SETD6: variants seen among roughly 807,000 people sequenced by gnomAD.
SETD6 encodes the protein SET domain containing 6, protein lysine methyltransferase.
A neutral mutation model predicts 52.7 loss-of-function variants in SETD6; 67 were observed. That is an observed-to-expected ratio of 1.27 (90% CI 1.04 to 1.56). The LOEUF (loss-of-function observed/expected upper bound fraction) is 1.56. Among genes scored for constraint, SETD6 ranks in the 40% most tolerant of loss-of-function variants. SETD6 has a pLI of 0.00. For synonymous variants in SETD6, 307 were observed against 250.2 expected (o/e 1.23, Z -2.14); for missense variants, 712 against 607.5 (o/e 1.17, Z -1.81).
At position 58,517,634 on chromosome 16, in the gene SETD6, C is replaced by T. The variant is rs954847482; in HGVS notation, c.793-417C>T. ...GAATTACAGGCTCCTGCCACCATGCCCGGCTAATTTTTGTATTTTTTAGTA... is the reference window on the plus strand; with the variant it reads ...GAATTACAGGCTCCTGCCACCATGCTCGGCTAATTTTTGTATTTTTTAGTA... On this transcript the variant is annotated intron_variant, in intron 5 of 7. Coordinates refer to ENST00000219315, the MANE Select transcript of SETD6 (RefSeq NM_001160305.4). The T allele has an allele frequency of 4.2e-5, 9 of 214,470 alleles. No homozygotes were observed. In the Admixed American group the frequency reaches 4.7e-4, roughly 11 times the overall value. The allele number at this position is 214,470 out of a possible 1,614,324, so 13.3% of individuals were successfully genotyped here. A position where few individuals can be genotyped will look rare whatever the true frequency, so the allele number is the denominator to read the frequency against.
chr16:58,516,537 A>C lies in SETD6; in HGVS notation c.536A>C (p.Lys179Thr). The C allele has an allele frequency of 6.2e-7, 1 of 1,614,112 alleles. No homozygotes were observed. Among genetic ancestry groups the C allele is most frequent in the Non-Finnish European group, 8.5e-7 (1 of 1,180,016 alleles). ...ACAGGCGTACCTGAGGCCGTGGAGA[A>C]GGATTTGGCCAACATCCGCAGCGAG... ...QGTGVPEAVE[K>T]DLANIRSEYQ... The change falls in exon 4 of 8, where the codon AAG (lysine) becomes ACG (threonine). Residue 179 changes from lysine (K) to threonine (T), a missense_variant. Physicochemically the swap from Lys to Thr is moderately conservative, Grantham distance 78 (BLOSUM62 -1). Coordinates refer to ENST00000219315, the MANE Select transcript of SETD6 (RefSeq NM_001160305.4).
rs1197281311 is a variant in SETD6 at position 58,522,501 on chromosome 16, T to C, written c.*3472T>C. ...CAAAGGAATACCATATTTAGCACCA[T>C]AGGTGACTAATTAGGCAAATGAGCA... is the stretch of plus-strand genomic sequence containing the variant. On this transcript the variant is annotated 3_prime_UTR_variant, in exon 8 of 8. Coordinates refer to ENST00000219315, the MANE Select transcript of SETD6 (RefSeq NM_001160305.4). Among the ~76,000 whole-genome samples the C allele has an allele frequency of 2.4e-5, 2 of 82,544 alleles. No homozygotes were observed. The highest frequency in any genetic ancestry group is 4.2e-5 in the Non-Finnish European group (2 of 47,480). 54.2% of individuals were successfully genotyped at this position (82,544 alleles called of 152,430 possible). A position where few individuals can be genotyped will look rare whatever the true frequency, so the allele number is the denominator to read the frequency against.
rs996449391 is a variant in SETD6 at position 58,519,663 on chromosome 16, T to A, written c.*634T>A. On this transcript the variant is annotated 3_prime_UTR_variant, in exon 8 of 8. Coordinates refer to ENST00000219315, the MANE Select transcript of SETD6 (RefSeq NM_001160305.4). ...ATTTTCTTTAAAAAAAAAAAAAAAA[T>A]ACCTGGGGGAAAAGGATATTAAAAC... is the stretch of plus-strand genomic sequence containing the variant. The A allele has an allele frequency of 1.4e-5, 2 of 146,282 alleles. No homozygotes were observed. The highest frequency in any genetic ancestry group is 3.0e-5 in the Non-Finnish European group (2 of 66,036). The allele number at this position is 146,282 out of a possible 1,614,324, so 9.1% of individuals were successfully genotyped here. A position where few individuals can be genotyped will look rare whatever the true frequency, so the allele number is the denominator to read the frequency against.
chr16:58,518,262 C>T, intron 6 of SETD6, 31 bp downstream of exon 6: 3 of 1,613,262 alleles, frequency 1.9e-6, no homozygotes, highest in Non-Finnish European at 2.5e-6. Context: ...ATATTTGACA[C>T]TGATGGTGTG....
At position 58,522,508 on chromosome 16, in the gene SETD6, CTAAT is replaced by C. The variant is rs748694057; in HGVS notation, c.*3482_*3485del. Among the ~76,000 whole-genome samples, 1 of 151,572 alleles carries C rather than the reference CTAAT, an allele frequency of 6.6e-6. No homozygotes were observed. Among genetic ancestry groups the C allele is most frequent in the African/African-American group, 2.4e-5 (1 of 41,230 alleles). ...ATACCATATTTAGCACCATAGGTGA[CTAAT>C]TAGGCAAATGAGCAAGTTTTAAGAG... On this transcript the variant is annotated 3_prime_UTR_variant, in exon 8 of 8. Transcript: ENST00000219315.
chr16:58,518,266 T>C (rs1445603100), intron 6 of SETD6, 35 bp downstream of exon 6: 4 of 1,612,922 alleles, frequency 2.5e-6, no homozygotes, highest in Non-Finnish European at 3.4e-6. Flanking sequence ...TTGACACTGA[T>C]GGTGTGTCTA....
At chr16:58,516,962 C>T (rs773581375) in intron 5 of SETD6, 34 bp downstream of exon 5, 1 of 1,614,052 alleles carries the variant, frequency 6.2e-7, no homozygotes, top group South Asian at 1.1e-5. Context: ...ACTGATTGAG[C>T]ATGATTCAAG....
rs368881599 is a variant in SETD6 at position 58,518,942 on chromosome 16, G to A, written c.1335G>A (p.Ala445=). The change falls in exon 8 of 8, where the codon GCG becomes GCA. Residue 445 remains alanine, a synonymous_variant. Transcript: ENST00000219315. ...TACTCAGTAATAAGGAAGTCTATGC[G>A]AAACTCAGCTGGAGGGAACAGCAAG... ...QGLLSNKEVY[A]KLSWREQQAL... The A allele has an allele frequency of 3.0e-5, 48 of 1,614,046 alleles. No individual in the cohort carries two copies. The highest frequency in any genetic ancestry group is 5.5e-5 in the South Asian group (5 of 91,090).
chr16:58,518,550 G>T lies in SETD6; in HGVS notation c.1116+7G>T. 1 of 1,596,400 alleles carries T rather than the reference G, an allele frequency of 6.3e-7. No individual in the cohort carries two copies. Among genetic ancestry groups the T allele is most frequent in the South Asian group, 1.2e-5 (1 of 86,768 alleles). ...GCTGACCACCACACTAAAGGTAAACGGCTGAAAATGGCCATTTAATGCTGA... is the reference window on the plus strand; with the variant it reads ...GCTGACCACCACACTAAAGGTAAACTGCTGAAAATGGCCATTTAATGCTGA... On this transcript the variant is annotated splice_region_variant and intron_variant, in intron 7 of 7. Coordinates refer to ENST00000219315, the MANE Select transcript of SETD6 (RefSeq NM_001160305.4).
At position 58,518,708 on chromosome 16, in the gene SETD6, CTG is replaced by C; in HGVS notation, c.1117-13_1117-12del. On this transcript the variant is annotated splice_polypyrimidine_tract_variant and intron_variant, in intron 7 of 7. Transcript: ENST00000219315. ...AAGCAGTACATCTAATTAAAGAGCTCTGTGGTTGCTTCTAGGTACTGTGCATG... is the reference window on the plus strand; with the variant it reads ...AAGCAGTACATCTAATTAAAGAGCTCTGGTTGCTTCTAGGTACTGTGCATG... 1 of 1,609,506 alleles carries C rather than the reference CTG, an allele frequency of 6.2e-7. No homozygotes were observed. The highest frequency in any genetic ancestry group is 8.5e-7 in the Non-Finnish European group (1 of 1,178,264).
Position 58,520,105 on chromosome 16 carries a change from T to C in SETD6, c.*1076T>C, listed in dbSNP as rs1299818868. The C allele has an allele frequency of 2.0e-5, 3 of 152,252 alleles. No individual in the cohort carries two copies. In the East Asian group the frequency reaches 5.8e-4, roughly 29 times the overall value. The allele number at this position is 152,252 out of a possible 1,614,324, so 9.4% of individuals were successfully genotyped here. A position where few individuals can be genotyped will look rare whatever the true frequency, so the allele number is the denominator to read the frequency against. On this transcript the variant is annotated 3_prime_UTR_variant, in exon 8 of 8. Transcript: ENST00000219315. ...TATAAAAGGGGCTGTATTGGTCCTT[T>C]CAACTTTGTCATTATTCAGCTTAGC... is the stretch of plus-strand genomic sequence containing the variant.
Position 58,519,403 on chromosome 16 carries a change from T to G in SETD6, c.*374T>G, listed in dbSNP as rs935484362. 5.0e-6 allele frequency: 1 copy of G among 198,892 alleles called. No individual in the cohort carries two copies. The highest frequency in any genetic ancestry group is 2.3e-5 in the African/African-American group (1 of 42,764). 12.3% of individuals were successfully genotyped at this position (198,892 alleles called of 1,614,324 possible). ...TCTAGTTTGAGGAAGTCACTTAACCTTTATTGAAAAGACTCTGGATTTAAT... is the reference window on the plus strand; with the variant it reads ...TCTAGTTTGAGGAAGTCACTTAACCGTTATTGAAAAGACTCTGGATTTAAT... On this transcript the variant is annotated 3_prime_UTR_variant, in exon 8 of 8. Coordinates refer to ENST00000219315, the MANE Select transcript of SETD6 (RefSeq NM_001160305.4).
chr16:58,518,172 A>G lies in SETD6; in HGVS notation c.914A>G (p.Asp305Gly), dbSNP rs1398670312. 1 of 1,614,228 alleles carries G rather than the reference A, an allele frequency of 6.2e-7. No individual in the cohort carries two copies. Among genetic ancestry groups the G allele is most frequent in the Non-Finnish European group, 8.5e-7 (1 of 1,180,038 alleles). ...HMYGFVEPYP[D>G]NTDDTADIQM... is the part of the protein sequence containing the mutation. ...TACGGTTTTGTTGAACCATATCCTG[A>G]CAACACAGATGACACAGCTGACATT... Residue 305 changes from aspartate to glycine, a missense_variant, in exon 6 of 8, where the codon GAC (aspartate) becomes GGC (glycine). Transcript: ENST00000219315.
At position 58,516,430 on chromosome 16, in the gene SETD6, A is replaced by G. The variant is rs200938931; in HGVS notation, c.477-48A>G. On this transcript the variant is annotated intron_variant, in intron 3 of 7. Transcript: ENST00000219315. ...CGCCCCTGCACCAGTCCTACCCAGT[A>G]AAGTGTGTGAAGGAATGAAGGGAAC... The G allele has an allele frequency of 1.4e-4, 225 of 1,612,214 alleles. No homozygotes were observed. The African/African-American group carries it at 1.8e-3, about 13-fold the overall frequency.
Position 58,519,492 on chromosome 16 carries a change from CAG to C in SETD6, c.*464_*465del, listed in dbSNP as rs1288664483. The C allele has an allele frequency of 6.2e-6, 1 of 162,410 alleles. No homozygotes were observed. Among genetic ancestry groups the C allele is most frequent in the Non-Finnish European group, 1.4e-5 (1 of 73,222 alleles). The allele number at this position is 162,410 out of a possible 1,614,324, so 10.1% of individuals were successfully genotyped here. ...AGTCTAGATGGCACAAACCACCTCT[CAG>C]GGAATAAACCCTAAGACATCACTCA... On this transcript the variant is annotated 3_prime_UTR_variant, in exon 8 of 8. Coordinates refer to ENST00000219315, the MANE Select transcript of SETD6 (RefSeq NM_001160305.4).
intron 2 of SETD6, 29 bp from the exon 3 acceptor site, chr16:58,516,173 C>T (rs768327456): frequency 7.0e-7 from 1 of 1,436,202 alleles, no homozygotes; most frequent in Non-Finnish European, 9.0e-7. Context: ...GAGGCCGCGC[C>T]GGGGCGCTCA....
rs565818526 is a variant in SETD6 at position 58,522,146 on chromosome 16, C to T, written c.*3117C>T. On this transcript the variant is annotated 3_prime_UTR_variant, in exon 8 of 8. Transcript: ENST00000219315. ...CAGCCTGGCCAAGATGGTGAAACCC[C>T]GTCTCTACTAAAAATACAAAAAATT... Among the ~76,000 whole-genome samples, 2 of 149,454 alleles carry T rather than the reference C, an allele frequency of 1.3e-5. No homozygotes were observed. The highest frequency in any genetic ancestry group is 5.0e-5 in the African/African-American group (2 of 40,224).
Position 58,518,200 on chromosome 16 carries a change from G to A in SETD6, c.942G>A (p.Gln314=), listed in dbSNP as rs1340928588. ...ACACAGATGACACAGCTGACATTCA[G>A]ATGGTGACAGTTCGTGAGGCAGCAT... ...PDNTDDTADI[Q]MVTVREAALQ... The change falls in exon 6 of 8, where the codon CAG becomes CAA. Residue 314 remains glutamine (Q), a synonymous_variant. Transcript: ENST00000219315. 4 of 1,614,098 alleles carry A rather than the reference G, an allele frequency of 2.5e-6. No homozygotes were observed. Among genetic ancestry groups the A allele is most frequent in the South Asian group, 2.2e-5 (2 of 91,088 alleles).
chr16:58,518,584 G>A (rs1372235338), intron 7 of SETD6, 41 bp downstream of exon 7: 8 of 1,588,172 alleles, frequency 5.0e-6, no homozygotes, highest in Non-Finnish European at 6.8e-6. Flanking sequence ...GATAATCTAA[G>A]TATTTAAAGC....
Sources: gnomAD v4.1 joint callset for allele counts (sites outside exome capture counted in the v4.1 genomes callset) on GRCh38, gnomAD v4.1.1 for gene constraint, MANE v1.5 for transcripts, NCBI Gene and HGNC (gene_info 2026-07-23, HGNC 2026-07-21) for gene names.